The following TPX2 variants were observed in gnomAD, a reference collection of about 807,000 sequenced individuals.
TPX2 encodes TPX2 microtubule nucleation factor.
A neutral mutation model predicts 93.6 loss-of-function variants in TPX2; 21 were observed. The observed-to-expected ratio is 0.22, with a 90% confidence interval of 0.16 to 0.32. The LOEUF (loss-of-function observed/expected upper bound fraction) is 0.32. Ranked by LOEUF, TPX2 falls within the 10% of genes least tolerant of loss-of-function variation. The pLI is 1.00. For missense variants in TPX2, 776 were observed against 871.1 expected (o/e 0.89, Z 1.37); for synonymous variants, 281 against 298.3 (o/e 0.94, Z 0.60).
At chr20:31,771,827 G>T in intron 7 of TPX2, 145 bp downstream of exon 7, 3 of 820,884 alleles carry the variant, frequency 3.7e-6, no homozygotes, top group East Asian at 2.9e-5. Flanking sequence ...GTGTCCTGAT[G>T]GGTGCTCAGA....
chr20:31,772,514 A>T (rs1481506603), intron 7 of TPX2, among the ~76,000 whole-genome samples: 1 of 152,218 alleles, frequency 6.6e-6, no homozygotes, highest in East Asian at 1.9e-4. Context: ...CAAATTTAAA[A>T]GAAATATAAA....
chr20:31,739,773 AAGG>A (rs1398997909), intron 1 of TPX2, among the ~76,000 whole-genome samples, 152 bp downstream of exon 1: 6 of 152,276 alleles, frequency 3.9e-5, no homozygotes, highest in Admixed American at 6.5e-5. Flanking sequence ...AGGAAGGAGG[AAGG>A]AGGAGGAAAC....
intron 12 of TPX2, among the ~76,000 whole-genome samples, chr20:31,790,603 A>T (rs1046207867): frequency 2.0e-5 from 3 of 152,310 alleles, no homozygotes; most frequent in East Asian, 3.9e-4. Context: ...CATTCCAAAC[A>T]TGTTTCGAAC....
chr20:31,783,160 T>G (rs1383343297), intron 11 of TPX2, among the ~76,000 whole-genome samples: 1 of 152,176 alleles, frequency 6.6e-6, no homozygotes, highest in Non-Finnish European at 1.5e-5. Context: ...AGGGGGAGCT[T>G]CTTCTGTGAA....
rs1414398374 is a variant in TPX2, at chr20:31,760,841, G to A, written c.229+662G>A. ...TTTAAAAGATGATGGATCGCTTCTCGGCCTTTTGGCTAAGATCAAGTGTAA... is the reference window on the plus strand; with the variant it reads ...TTTAAAAGATGATGGATCGCTTCTCAGCCTTTTGGCTAAGATCAAGTGTAA... On this transcript the variant is annotated intron_variant, in intron 4 of 17. Coordinates refer to ENST00000300403, the MANE Select transcript of TPX2 (RefSeq NM_012112.5). Among the ~76,000 whole-genome samples, 12 of 152,126 alleles carry A rather than the reference G, an allele frequency of 7.9e-5. 1 individual carries two copies. In the East Asian group the frequency reaches 1.2e-3, roughly 15 times the overall value.
chr20:31,778,827 G>A lies in TPX2; in HGVS notation c.897G>A (p.Lys299=), dbSNP rs372978926. Residue 299 remains lysine, a synonymous_variant, in exon 10 of 18, where the codon AAG becomes AAA. Transcript: ENST00000300403. ...TCTCTTTACAGGCCCGAGTGACTAA[G>A]GGATGTACCATTGTTAAGCCTTTCA... The part of the protein sequence containing the change: ...KHPSSPARVT[K]GCTIVKPFNL... 6.3e-7 allele frequency: 1 copy of A among 1,589,012 alleles called. No individual in the cohort carries two copies. The highest frequency in any genetic ancestry group is 1.4e-5 in the African/African-American group (1 of 73,706).
At chr20:31,741,066 G>A (rs940524329) in intron 1 of TPX2, among the ~76,000 whole-genome samples, 7 of 152,166 alleles carry the variant, frequency 4.6e-5, no homozygotes, top group Admixed American at 2.0e-4. Flanking sequence ...TTGCAATTAA[G>A]TTTGTCCAGG....
At chr20:31,759,868 G>A (rs991578800) in intron 3 of TPX2, among the ~76,000 whole-genome samples, 189 bp from the exon 4 acceptor site, 6 of 151,778 alleles carry the variant, frequency 4.0e-5, no homozygotes, top group Admixed American at 3.3e-4. Flanking sequence ...AGTTTTTAGT[G>A]ATTGTTCTTA....
intron 2 of TPX2, among the ~76,000 whole-genome samples, chr20:31,743,803 C>T (rs377765517): frequency 4.6e-4 from 70 of 151,374 alleles, no homozygotes; most frequent in African/African-American, 1.7e-3. Flanking sequence ...CTCAGCTTAC[C>T]GTAACCTCCG....
chr20:31,767,314 A>C (rs1051307305), intron 5 of TPX2, among the ~76,000 whole-genome samples: 1 of 152,150 alleles, frequency 6.6e-6, no homozygotes, highest in African/African-American at 2.4e-5. Flanking sequence ...TATGGATATA[A>C]TTGTTACATC....
intron 1 of TPX2, among the ~76,000 whole-genome samples, chr20:31,740,160 G>A (rs1485574182): frequency 3.3e-5 from 5 of 152,090 alleles, no homozygotes; most frequent in Non-Finnish European, 7.3e-5. Flanking sequence ...CTATTTTCTT[G>A]ACATATAACG....
rs539373338 is a variant in TPX2 at position 31,771,384 on chromosome 20, T to C, written c.486-176T>C. On this transcript the variant is annotated intron_variant, in intron 6 of 17. Transcript: ENST00000300403. ...GGTTGGCTTTCTCAAAGTTTACTCA[T>C]TGAAGCCATTAATATATATGATCTA... Among the ~76,000 whole-genome samples the C allele has an allele frequency of 6.4e-4, 98 of 152,298 alleles. No individual in the cohort carries two copies. In the Middle Eastern group the frequency reaches 0.02, roughly 32 times the overall value.
At chr20:31,792,658 A>T in intron 12 of TPX2, 77 bp from the exon 13 acceptor site, 1 of 1,392,596 alleles carries the variant, frequency 7.2e-7, no homozygotes, top group Non-Finnish European at 1.0e-6. Flanking sequence ...CCAAAGGGGA[A>T]AAAAGGATTT....
At position 31,771,608 on chromosome 20, in the gene TPX2, T is replaced by C; in HGVS notation, c.534T>C (p.Asp178=). 6.2e-7 allele frequency: 1 copy of C among 1,614,006 alleles called. No individual in the cohort carries two copies. Among genetic ancestry groups the C allele is most frequent in the South Asian group, 1.1e-5 (1 of 91,058 alleles). ...AGGAAGAAGGCAGTGCTCATCAAGA[T>C]ACTGCTGAAAAGAATGCATCTTCCC... ...KPEEEGSAHQ[D]TAEKNASSPE... The change falls in exon 7 of 18, where the codon GAT becomes GAC. Residue 178 remains aspartate (D), a synonymous_variant. Transcript: ENST00000300403.
chr20:31,783,263 T>TA (rs112371106), intron 11 of TPX2, among the ~76,000 whole-genome samples: 1,930 of 152,198 alleles, frequency 0.013, 33 homozygotes, highest in African/African-American at 0.045. Flanking sequence ...TTTATTTATT[T>TA]TTTTTGAGAT....
At chr20:31,755,348 T>A (rs374788452) in intron 2 of TPX2, among the ~76,000 whole-genome samples, 1 of 151,536 alleles carries the variant, frequency 6.6e-6, no homozygotes, top group East Asian at 2.0e-4. Flanking sequence ...CCTCTCAAAG[T>A]GCTGGGATTA....
intron 8 of TPX2, 146 bp from the exon 9 acceptor site, chr20:31,777,341 A>G (rs2062006803): frequency 3.6e-6 from 3 of 834,324 alleles, no homozygotes; most frequent in Non-Finnish European, 5.5e-6. Context: ...GTCCCTGAGG[A>G]CTACTTCAAG....
chr20:31,767,877 T>C (rs2061938079), intron 5 of TPX2, among the ~76,000 whole-genome samples: 1 of 151,904 alleles, frequency 6.6e-6, no homozygotes. Flanking sequence ...AATCAGAGTT[T>C]AGTGTTTACC....
At chr20:31,787,441 C>T (rs542949211) in intron 12 of TPX2, among the ~76,000 whole-genome samples, 2 of 151,724 alleles carry the variant, frequency 1.3e-5, no homozygotes, top group East Asian at 1.9e-4. Flanking sequence ...TTCTTCTACC[C>T]GCTTCACTTT....
Sources: gnomAD v4.1 joint callset for allele counts (sites outside exome capture counted in the v4.1 genomes callset) on GRCh38, gnomAD v4.1.1 for gene constraint, MANE v1.5 for transcripts, NCBI Gene and HGNC (gene_info 2026-07-23, HGNC 2026-07-21) for gene names.